Variants in KCNH5 observed in about 807,000 individuals in gnomAD.
KCNH5 encodes the protein voltage-gated delayed rectifier potassium channel KCNH5.
In KCNH5, 46 loss-of-function variants were observed where a neutral mutation model predicts 96.1. The ratio of observed to expected loss-of-function variants is 0.48; its 90% CI spans 0.38 to 0.61. The LOEUF (loss-of-function observed/expected upper bound fraction) is 0.61, where lower values mean the gene tolerates loss of function less well. KCNH5 is among the 20% of genes least tolerant of loss of function. The pLI is 0.00. For synonymous variants in KCNH5, 439 were observed against 449.8 expected, an observed-to-expected ratio of 0.98 and a Z score of 0.30; for missense variants, 907 against 1,225.8, an observed-to-expected ratio of 0.74 and a Z score of 3.88.
At chr14:62,716,917 C>T (rs933426212) in intron 10 of KCNH5, among the ~76,000 whole-genome samples, 6 of 152,048 alleles carry the variant, frequency 3.9e-5, no homozygotes, top group Admixed American at 1.3e-4. Context: ...ACATGAAAAA[C>T]CTGCTAGAAT....
chr14:62,891,518 T>C (rs1255174766), intron 7 of KCNH5, among the ~76,000 whole-genome samples: 1 of 152,042 alleles, frequency 6.6e-6, no homozygotes, highest in Non-Finnish European at 1.5e-5. Flanking sequence ...TGAGTTTACC[T>C]ATGTAACAAA....
chr14:62,704,468 A>G lies in KCNH5; in HGVS notation c.*3040T>C, dbSNP rs1490190534. Reference sequence around the variant, plus strand: ...TCTGCTAGATCACATTTAGTGCAACAATATCCTGATACAGACTGATAAAAC... The same window carrying G: ...TCTGCTAGATCACATTTAGTGCAACGATATCCTGATACAGACTGATAAAAC... On this transcript the variant is annotated 3_prime_UTR_variant, in exon 11 of 11. Coordinates refer to ENST00000322893, the MANE Select transcript of KCNH5 (RefSeq NM_139318.5). 6.6e-6 allele frequency: 1 copy of G among 151,918 alleles called. No individual in the cohort carries two copies. The highest frequency in any genetic ancestry group is 6.6e-5 in the Admixed American group (1 of 15,242). 9.4% of individuals were successfully genotyped at this position (151,918 alleles called of 1,614,324 possible).
At chr14:63,027,479 G>GA (rs11399195) in intron 1 of KCNH5, among the ~76,000 whole-genome samples, 32,176 of 126,248 alleles carry the variant, frequency 0.25, 4,223 homozygotes, top group East Asian at 0.42. Flanking sequence ...AAGTTGGTTT[G>GA]AAAAAAAAAA....
intron 1 of KCNH5, among the ~76,000 whole-genome samples, chr14:63,036,064 A>G (rs1237740546): frequency 6.6e-6 from 1 of 152,342 alleles, no homozygotes; most frequent in East Asian, 1.9e-4. Flanking sequence ...ATAGAGTTCC[A>G]GAAAGATTAC....
intron 3 of KCNH5, among the ~76,000 whole-genome samples, chr14:63,004,649 G>GT (rs1891092575): frequency 1.3e-5 from 2 of 152,206 alleles, no homozygotes; most frequent in Admixed American, 1.3e-4. Context: ...CTGTCACCCA[G>GT]GCTGGAATAC....
intron 7 of KCNH5, among the ~76,000 whole-genome samples, chr14:62,902,084 T>A (rs1888937514): frequency 6.6e-6 from 1 of 152,306 alleles, no homozygotes; most frequent in East Asian, 1.9e-4. Flanking sequence ...CTTGTTCAAC[T>A]TTTTAAGTTT....
chr14:62,819,315 A>G (rs1018195261), intron 8 of KCNH5, among the ~76,000 whole-genome samples: 1 of 152,224 alleles, frequency 6.6e-6, no homozygotes, highest in African/African-American at 2.4e-5. Flanking sequence ...TCATGCCACA[A>G]TATGGATGAA....
In KCNH5 at chr14:62,706,194, A is replaced by G. The variant is rs1434672575; in HGVS notation, c.*1314T>C. 6.6e-6 allele frequency: 1 copy of G among 152,164 alleles called. No individual in the cohort carries two copies. Among genetic ancestry groups the G allele is most frequent in the African/African-American group, 2.4e-5 (1 of 41,466 alleles). 9.4% of individuals were successfully genotyped at this position (152,164 alleles called of 1,614,324 possible). ...AAGAGGATTTGAATTCAAAAGACTAAAATTCAGTCTTTAGTATCCCCCTTT... is the reference window on the plus strand; with the variant it reads ...AAGAGGATTTGAATTCAAAAGACTAGAATTCAGTCTTTAGTATCCCCCTTT... On this transcript the variant is annotated 3_prime_UTR_variant, in exon 11 of 11. Coordinates refer to ENST00000322893, the MANE Select transcript of KCNH5 (RefSeq NM_139318.5).
chr14:62,852,704 TA>T (rs1279660086), intron 7 of KCNH5, among the ~76,000 whole-genome samples: 1 of 152,174 alleles, frequency 6.6e-6, no homozygotes, highest in Non-Finnish European at 1.5e-5. Flanking sequence ...CATATATTTT[TA>T]AAAAGAGAAA....
At chr14:63,001,799 T>A (rs1891016157) in intron 3 of KCNH5, among the ~76,000 whole-genome samples, 1 of 152,126 alleles carries the variant, frequency 6.6e-6, no homozygotes, top group African/African-American at 2.4e-5. Flanking sequence ...CCACTGCTGC[T>A]CTCACCAACT....
At chr14:63,035,389 A>C (rs1891704213) in intron 1 of KCNH5, among the ~76,000 whole-genome samples, 2 of 152,226 alleles carry the variant, frequency 1.3e-5, no homozygotes, top group Non-Finnish European at 2.9e-5. Context: ...TTCACAATCC[A>C]GTTAATTTTC....
At chr14:62,896,046 T>A (rs1187892837) in intron 7 of KCNH5, among the ~76,000 whole-genome samples, 2 of 152,196 alleles carry the variant, frequency 1.3e-5, no homozygotes, top group Non-Finnish European at 2.9e-5. Flanking sequence ...ATGATGAAAA[T>A]TTCTACTGTG....
At chr14:62,826,948 T>C (rs376789427) in intron 8 of KCNH5, among the ~76,000 whole-genome samples, 1 of 152,090 alleles carries the variant, frequency 6.6e-6, no homozygotes, top group East Asian at 1.9e-4. Context: ...AATAGAAATA[T>C]AGGGGGTGAT....
intron 8 of KCNH5, among the ~76,000 whole-genome samples, chr14:62,822,732 C>T (rs1356077941): frequency 6.6e-6 from 1 of 151,084 alleles, no homozygotes; most frequent in African/African-American, 2.4e-5. Context: ...AGTTAGAGTC[C>T]TAAACCTTGA....
chr14:62,882,131 G>C (rs921576264), intron 7 of KCNH5, among the ~76,000 whole-genome samples: 2 of 100,148 alleles, frequency 2.0e-5, no homozygotes, highest in Non-Finnish European at 4.1e-5. Flanking sequence ...AAAAAAAGCT[G>C]GGGCATGGTG....
chr14:62,956,846 G>A (rs1890114079), intron 6 of KCNH5, among the ~76,000 whole-genome samples: 1 of 152,026 alleles, frequency 6.6e-6, no homozygotes, highest in Admixed American at 6.6e-5. Flanking sequence ...TTATAACAAT[G>A]TTTTGATGCT....
chr14:62,823,038 T>C (rs1266032891), intron 8 of KCNH5, among the ~76,000 whole-genome samples: 1 of 152,200 alleles, frequency 6.6e-6, no homozygotes, highest in African/African-American at 2.4e-5. Context: ...TGTAGAATCC[T>C]GGTCTAATTC....
chr14:62,867,945 C>G (rs1888166856), intron 7 of KCNH5, among the ~76,000 whole-genome samples: 2 of 152,228 alleles, frequency 1.3e-5, no homozygotes, highest in Non-Finnish European at 2.9e-5. Context: ...TTGTTCTTCA[C>G]AACACTTACC....
In KCNH5 at chr14:62,707,799, A is replaced by T; in HGVS notation, c.2676T>A (p.Ala892=). 6.2e-7 allele frequency: 1 copy of T among 1,614,190 alleles called. No individual in the cohort carries two copies. The highest frequency in any genetic ancestry group is 2.2e-5 in the East Asian group (1 of 44,866). The change falls in exon 11 of 11, where the codon GCT becomes GCA. Residue 892 remains alanine, a synonymous_variant. Transcript: ENST00000322893. ...TGGGATAAAAGGGGTGCTTGGCATC[A>T]GCCTGGATGGGACTGTGCTCTAGCG... is the stretch of plus-strand genomic sequence containing the variant. ...RSPLEHSPIQ[A]DAKHPFYPIP... is the part of the protein sequence containing the mutation.
Sources: gnomAD v4.1 joint callset for allele counts (sites outside exome capture counted in the v4.1 genomes callset) on GRCh38, gnomAD v4.1.1 for gene constraint, MANE v1.5 for transcripts, NCBI Gene and HGNC (gene_info 2026-07-23, HGNC 2026-07-21) for gene names.